The following HM13 variants were observed in gnomAD, a reference collection of about 807,000 sequenced individuals.
HM13 encodes signal peptide peptidase.
A neutral mutation model predicts 50.0 loss-of-function variants in HM13; 18 were observed. That is an observed-to-expected ratio of 0.36 (90% CI 0.25 to 0.53). The LOEUF is 0.53. Ranked by LOEUF, HM13 falls within the 20% of genes least tolerant of loss-of-function variation. The pLI, the probability that HM13 is intolerant of heterozygous loss-of-function variation, is 0.90. For synonymous variants in HM13, 197 were observed against 232.6 expected (o/e 0.85, Z 1.39); for missense variants, 393 against 552.4 (o/e 0.71, Z 2.89).
intron 11 of HM13, 136 bp downstream of exon 11, chr20:31,566,431 T>C: frequency 1.4e-6 from 1 of 725,164 alleles, no homozygotes; most frequent in Admixed American, 2.2e-5. Flanking sequence ...CTTGCCTTTT[T>C]CAGCAGTACA....
intron 1 of HM13, among the ~76,000 whole-genome samples, chr20:31,527,241 G>A (rs1413509191): frequency 6.6e-6 from 1 of 152,136 alleles, no homozygotes; most frequent in Non-Finnish European, 1.5e-5. Flanking sequence ...GGGAGGCTGA[G>A]GCAGGAGAAT....
chr20:31,552,292 A>T (rs771282371), intron 7 of HM13, among the ~76,000 whole-genome samples: 2 of 152,094 alleles, frequency 1.3e-5, no homozygotes, highest in Non-Finnish European at 2.9e-5. Context: ...GCTTCAGCAA[A>T]GGGCTGGAGG....
In HM13 at chr20:31,569,204, GAAGA is replaced by G. The variant is rs1568804022; in HGVS notation, c.1271_1274del (p.Lys424ArgfsTer93). ...AGGCATCAGCATCGAAGGGGCTGGA[GAAGA>G]AAGAGAAATGATGCAGCTGGTGCCC... On this transcript the variant is annotated frameshift_variant, in exon 13 of 13. Coordinates refer to ENST00000398174, the MANE Select transcript of HM13 (RefSeq NM_178581.3). LOFTEE classifies it high-confidence loss of function. 1.3e-6 allele frequency: 2 copies of G among 1,593,118 alleles called. No homozygotes were observed. Among genetic ancestry groups the G allele is most frequent in the East Asian group, 2.3e-5 (1 of 44,346 alleles).
At chr20:31,517,136 G>T (rs903050684) in intron 1 of HM13, among the ~76,000 whole-genome samples, 2 of 152,156 alleles carry the variant, frequency 1.3e-5, no homozygotes, top group Non-Finnish European at 2.9e-5. Context: ...AGAAGAGTTA[G>T]TGTGGGGACC....
chr20:31,554,922 TGAGAAA>T, intron 8 of HM13, 93 bp downstream of exon 8: 1 of 1,078,196 alleles, frequency 9.3e-7, no homozygotes, highest in Admixed American at 1.8e-5. Flanking sequence ...GCTTACCAGC[TGAGAAA>T]GAGAAAAGGT....
intron 2 of HM13, among the ~76,000 whole-genome samples, chr20:31,537,636 A>C (rs189246209): frequency 9.8e-5 from 15 of 152,352 alleles, no homozygotes; most frequent in African/African-American, 3.6e-4. Flanking sequence ...AACGACGAAA[A>C]GACCAAGAAG....
Position 31,569,449 on chromosome 20 carries a change from C to T in HM13, c.*230C>T, listed in dbSNP as rs991711015. The stretch of plus-strand genomic sequence containing the variant: ...GGCAAAAGAAACCCCCAGCTTCCCC[C>T]CTCCCCGGGAGCCAGGTGGGAAAAG... On this transcript the variant is annotated 3_prime_UTR_variant, in exon 13 of 13. Transcript: ENST00000398174. 15 of 409,462 alleles carry T rather than the reference C, an allele frequency of 3.7e-5. No individual in the cohort carries two copies. The highest frequency in any genetic ancestry group is 6.2e-5 in the Non-Finnish European group (14 of 225,036). The allele number at this position is 409,462 out of a possible 1,614,324, so 25.4% of individuals were successfully genotyped here.
chr20:31,524,834 C>A (rs1228683309), intron 1 of HM13, among the ~76,000 whole-genome samples: 1 of 151,544 alleles, frequency 6.6e-6, no homozygotes, highest in East Asian at 1.9e-4. Flanking sequence ...CTGCCTCAGC[C>A]TCCCGAGTAG....
At chr20:31,558,368 ACTC>A (rs1984430502) in intron 8 of HM13, among the ~76,000 whole-genome samples, 1 of 149,444 alleles carries the variant, frequency 6.7e-6, no homozygotes. Flanking sequence ...TCTGCTCAGA[ACTC>A]CTCCAGTGCG....
At chr20:31,543,377 C>G (rs990527970) in intron 3 of HM13, among the ~76,000 whole-genome samples, 1 of 152,132 alleles carries the variant, frequency 6.6e-6, no homozygotes, top group Non-Finnish European at 1.5e-5. Context: ...CCTCTGCCCC[C>G]CGGGTTCAAG....
Position 31,561,351 on chromosome 20 carries a change from C to G in HM13, c.846-283C>G, listed in dbSNP as rs902721778. Among the ~76,000 whole-genome samples the G allele has an allele frequency of 2.0e-5, 3 of 152,192 alleles. No homozygotes were observed. In the South Asian group the frequency reaches 6.2e-4, roughly 31 times the overall value. ...TATGCTGACTAAAGTCTTACAGCCA[C>G]TGTTATAAGTTGCAGCATTTGATAT... On this transcript the variant is annotated intron_variant, in intron 9 of 12. Coordinates refer to ENST00000398174, the MANE Select transcript of HM13 (RefSeq NM_178581.3).
intron 1 of HM13, among the ~76,000 whole-genome samples, chr20:31,524,664 C>G (rs1982377159): frequency 1.4e-5 from 2 of 139,034 alleles, no homozygotes; most frequent in African/African-American, 5.3e-5. Flanking sequence ...AGAATAAAGA[C>G]TTTTTTTATT....
chr20:31,557,509 C>T (rs1430743126), intron 8 of HM13, among the ~76,000 whole-genome samples: 1 of 152,180 alleles, frequency 6.6e-6, no homozygotes, highest in Non-Finnish European at 1.5e-5. Context: ...AGAGCTCTGA[C>T]CCCTGGATTA....
At chr20:31,568,541 T>A (rs1985068103) in intron 12 of HM13, among the ~76,000 whole-genome samples, 1 of 152,212 alleles carries the variant, frequency 6.6e-6, no homozygotes, top group Non-Finnish European at 1.5e-5. Context: ...ACTTTCTTCA[T>A]CTGTAAGTGG....
intron 4 of HM13, among the ~76,000 whole-genome samples, chr20:31,546,566 C>G (rs1240307137): frequency 6.6e-6 from 1 of 151,700 alleles, no homozygotes; most frequent in Non-Finnish European, 1.5e-5. Flanking sequence ...GCCTGGCCAT[C>G]ACGGCGAAAC....
intron 4 of HM13, among the ~76,000 whole-genome samples, chr20:31,546,296 A>G (rs1382199116): frequency 1.3e-5 from 2 of 151,770 alleles, no homozygotes; most frequent in Non-Finnish European, 2.9e-5. Flanking sequence ...TTCGCCTCCC[A>G]AAGTGCTAGG....
chr20:31,567,952 G>T, intron 11 of HM13, 126 bp from the exon 12 acceptor site: 4 of 812,144 alleles, frequency 4.9e-6, no homozygotes, highest in South Asian at 2.2e-5. Flanking sequence ...ATAAAATCTG[G>T]AAGTGCAAAA....
intron 6 of HM13, among the ~76,000 whole-genome samples, chr20:31,549,794 C>G (rs1184623467): frequency 6.6e-6 from 1 of 152,152 alleles, no homozygotes; most frequent in Non-Finnish European, 1.5e-5. Flanking sequence ...CGCTGGGGGA[C>G]TTTATCACTT....
At chr20:31,517,451 T>G (rs571430015) in intron 1 of HM13, among the ~76,000 whole-genome samples, 1 of 152,282 alleles carries the variant, frequency 6.6e-6, no homozygotes, top group East Asian at 1.9e-4. Flanking sequence ...GGGTGCCTGC[T>G]GTGGGCTAGG....
Sources: allele counts gnomAD v4.1 joint callset (sites outside exome capture counted in the v4.1 genomes callset), GRCh38; gene constraint gnomAD v4.1.1; transcripts MANE v1.5; gene names NCBI Gene and HGNC (gene_info 2026-07-23, HGNC 2026-07-21).